DPYD: variants seen among roughly 807,000 people sequenced by gnomAD.
DPYD encodes dihydropyrimidine dehydrogenase.
In DPYD, 109 loss-of-function variants were observed where a neutral mutation model predicts 116.2. The ratio of observed to expected loss-of-function variants is 0.94; its 90% confidence interval spans 0.80 to 1.10. The LOEUF is 1.10. Among genes scored for constraint, DPYD ranks in the 50% least tolerant of loss-of-function variants. The probability of loss-of-function intolerance (pLI) is 0.00; values close to 1 mark genes in which losing one functional copy is unlikely to be tolerated. For synonymous variants in DPYD, 440 were observed against 432.0 expected, an observed-to-expected ratio of 1.02 and a Z score of -0.23; for missense variants, 1,302 against 1,254.5, an observed-to-expected ratio of 1.04 and a Z score of -0.57.
chr1:97,525,899 TG>T (rs1649041139), intron 12 of DPYD, among the ~76,000 whole-genome samples: 1 of 142,446 alleles, frequency 7.0e-6, no homozygotes, highest in Non-Finnish European at 1.5e-5. Context: ...CGCGCGCGTG[TG>T]TGTGTGTGTG....
chr1:97,595,144 A>G lies in DPYD; in HGVS notation c.873T>C (p.Asp291=), dbSNP rs1654789339. 6.2e-7 allele frequency: 1 copy of G among 1,613,660 alleles called. No individual in the cohort carries two copies. Among genetic ancestry groups the G allele is most frequent in the Non-Finnish European group, 8.5e-7 (1 of 1,179,614 alleles). The change falls in exon 9 of 23, where the codon GAT becomes GAC. Residue 291 remains aspartate (D), a synonymous_variant. Transcript: ENST00000370192. ...IGIGLPEPNK[D]AIFQGLTQDQ... is the part of the protein sequence containing the mutation. The stretch of plus-strand genomic sequence containing the variant: ...CCTGCGTCAGGCCTTGGAAGATGGC[A>G]TCTTTATTGGGTTCTGGCAAACCTA...
intron 13 of DPYD, among the ~76,000 whole-genome samples, chr1:97,466,689 G>A (rs1198134385): frequency 6.6e-6 from 1 of 152,022 alleles, no homozygotes; most frequent in African/African-American, 2.4e-5. Context: ...GAAGTTATGT[G>A]ACCACGCTAT....
At chr1:97,354,356 T>C (rs1221639434) in intron 16 of DPYD, among the ~76,000 whole-genome samples, 1 of 152,206 alleles carries the variant, frequency 6.6e-6, no homozygotes, top group Non-Finnish European at 1.5e-5. Flanking sequence ...GAAGTCACAG[T>C]CAGCTGTTTT....
At chr1:97,301,980 G>T (rs1327371248) in intron 18 of DPYD, among the ~76,000 whole-genome samples, 1 of 152,064 alleles carries the variant, frequency 6.6e-6, no homozygotes, top group East Asian at 1.9e-4. Context: ...AATGGGTCAC[G>T]CAGTCAAGGA....
At chr1:97,563,002 A>G (rs1295527721) in intron 11 of DPYD, among the ~76,000 whole-genome samples, 1 of 152,172 alleles carries the variant, frequency 6.6e-6, no homozygotes, top group Non-Finnish European at 1.5e-5. Flanking sequence ...TACAGGCGTG[A>G]GCCACCATGC....
At chr1:97,701,913 T>C (rs1044145613) in intron 5 of DPYD, among the ~76,000 whole-genome samples, 1 of 151,800 alleles carries the variant, frequency 6.6e-6, no homozygotes, top group Non-Finnish European at 1.5e-5. Flanking sequence ...TTCAGTGTTT[T>C]TATACATAAG....
At chr1:97,356,527 T>C (rs1670438600) in intron 16 of DPYD, among the ~76,000 whole-genome samples, 1 of 152,224 alleles carries the variant, frequency 6.6e-6, no homozygotes, top group Non-Finnish European at 1.5e-5. Flanking sequence ...CAGCCTCCGC[T>C]GGTGACACCC....
intron 2 of DPYD, among the ~76,000 whole-genome samples, chr1:97,864,672 C>G (rs1671283464): frequency 2.0e-5 from 3 of 151,892 alleles, no homozygotes; most frequent in Admixed American, 2.0e-4. Context: ...AGAAGCTGTT[C>G]TAAGAAGAAA....
chr1:97,711,173 A>G (rs1031248369), intron 5 of DPYD, among the ~76,000 whole-genome samples: 3 of 151,896 alleles, frequency 2.0e-5, no homozygotes, highest in Non-Finnish European at 4.4e-5. Context: ...TCATAAGATT[A>G]TAGTCTGTGT....
chr1:97,222,648 A>T (rs1379162058), intron 19 of DPYD, among the ~76,000 whole-genome samples: 1 of 152,168 alleles, frequency 6.6e-6, no homozygotes, highest in Non-Finnish European at 1.5e-5. Context: ...CAATTAGAAC[A>T]TCATTGAATG....
chr1:97,534,087 T>C (rs1649828341), intron 12 of DPYD, among the ~76,000 whole-genome samples: 1 of 152,140 alleles, frequency 6.6e-6, no homozygotes, highest in Non-Finnish European at 1.5e-5. Flanking sequence ...CTACCCATTG[T>C]TTCAATTGTA....
chr1:97,107,863 T>A (rs1185669944), intron 20 of DPYD, among the ~76,000 whole-genome samples: 1 of 152,138 alleles, frequency 6.6e-6, no homozygotes, highest in East Asian at 1.9e-4. Context: ...ACTACCTACA[T>A]ACTCCATTCC....
chr1:97,640,882 C>A (rs897101536), intron 8 of DPYD, among the ~76,000 whole-genome samples: 2 of 152,122 alleles, frequency 1.3e-5, no homozygotes, highest in Non-Finnish European at 2.9e-5. Flanking sequence ...TCATACTTGG[C>A]CCTGTTGCTT....
At chr1:97,400,556 T>C (rs1423532134) in intron 14 of DPYD, among the ~76,000 whole-genome samples, 1 of 152,174 alleles carries the variant, frequency 6.6e-6, no homozygotes, top group African/African-American at 2.4e-5. Flanking sequence ...CTGGTAGAAT[T>C]CAGCTGCGAA....
chr1:97,522,983 C>T (rs1335463476), intron 12 of DPYD, among the ~76,000 whole-genome samples: 1 of 152,086 alleles, frequency 6.6e-6, no homozygotes, highest in Non-Finnish European at 1.5e-5. Context: ...ATTGAGGAAT[C>T]CGCTAACATA....
intron 2 of DPYD, among the ~76,000 whole-genome samples, chr1:97,869,952 T>C (rs1377970208): frequency 6.6e-6 from 1 of 151,852 alleles, no homozygotes; most frequent in Non-Finnish European, 1.5e-5. Context: ...TTCTGTCAGA[T>C]TAATTCACAT....
intron 1 of DPYD, among the ~76,000 whole-genome samples, chr1:97,899,925 G>A (rs1673278110): frequency 6.6e-6 from 1 of 151,864 alleles, no homozygotes; most frequent in Admixed American, 6.6e-5. Context: ...TTTAACAAAT[G>A]TCTGTGGCAG....
intron 16 of DPYD, among the ~76,000 whole-genome samples, chr1:97,352,349 T>C (rs74940085): frequency 0.012 from 1,771 of 152,370 alleles, 22 homozygotes; most frequent in Middle Eastern, 0.024. Context: ...TGCTACCTAA[T>C]AGTTGCTCAA....
chr1:97,267,169 C>T (rs1187792047), intron 18 of DPYD, among the ~76,000 whole-genome samples: 1 of 152,140 alleles, frequency 6.6e-6, no homozygotes, highest in Non-Finnish European at 1.5e-5. Flanking sequence ...GTTTCTATTT[C>T]TCCACATCCT....
Sources: gnomAD v4.1 joint callset for allele counts (sites outside exome capture counted in the v4.1 genomes callset) on GRCh38, gnomAD v4.1.1 for gene constraint, MANE v1.5 for transcripts, NCBI Gene and HGNC (gene_info 2026-07-23, HGNC 2026-07-21) for gene names.